The following PIK3R4 variants were observed in gnomAD, a reference collection of about 807,000 sequenced individuals.
The protein encoded by PIK3R4 is phosphoinositide 3-kinase regulatory subunit 4.
PIK3R4 carries 46 observed loss-of-function variants against 136.5 expected under a neutral mutation model. The observed-to-expected ratio is 0.34, with a 90% CI of 0.27 to 0.43. PIK3R4 has a LOEUF of 0.43. Among genes scored for constraint, PIK3R4 ranks in the 20% least tolerant of loss-of-function variants. PIK3R4 has a pLI of 1.00. For missense variants in PIK3R4, 1,331 were observed against 1,649.5 expected, an observed-to-expected ratio of 0.81 and a Z score of 3.35; for synonymous variants, 557 against 566.7, an observed-to-expected ratio of 0.98 and a Z score of 0.24.
chr3:130,709,628 G>T (rs918336548), intron 9 of PIK3R4, among the ~76,000 whole-genome samples: 1 of 152,096 alleles, frequency 6.6e-6, no homozygotes, highest in Non-Finnish European at 1.5e-5. Context: ...TATAGCTAAA[G>T]TAAGAGCTCT....
In PIK3R4 at chr3:130,708,512, T is replaced by C. The variant is rs778388968; in HGVS notation, c.2332-20A>G. 3.8e-6 allele frequency: 6 copies of C among 1,588,958 alleles called. No individual in the cohort carries two copies. The highest frequency in any genetic ancestry group is 5.2e-6 in the Non-Finnish European group (6 of 1,159,730). On this transcript the variant is annotated intron_variant, in intron 9 of 19. Coordinates refer to ENST00000356763, the MANE Select transcript of PIK3R4 (RefSeq NM_014602.3). ...CATTCCCTAAAACCAAATAAAACCA[T>C]ATGTTCTAGTTTATTTTCACAAATA... is the stretch of plus-strand genomic sequence containing the variant.
chr3:130,681,988 C>G (rs1023673495), intron 16 of PIK3R4, among the ~76,000 whole-genome samples: 10 of 152,136 alleles, frequency 6.6e-5, no homozygotes, highest in African/African-American at 2.2e-4. Context: ...TAATGCTGGT[C>G]ATTTTCCATT....
chr3:130,705,744 T>C lies in PIK3R4; in HGVS notation c.2749A>G (p.Lys917Glu). Residue 917 changes from lysine to glutamate, a missense_variant, in exon 12 of 20, where the codon AAA becomes GAA. By Grantham distance (56) the Lys-to-Glu change is moderately conservative. This residue lies in a region of PIK3R4 where 1,180 missense variants were observed against 1,407.0 expected (regional missense o/e 0.84). Coordinates refer to ENST00000356763, the MANE Select transcript of PIK3R4 (RefSeq NM_014602.3). ...QVPEVTTVQNKKPVIPVLSST... is the reference protein window; with the variant it reads ...QVPEVTTVQNEKPVIPVLSST... ...CTTAAAACCGGTATTACTGGTTTTT[T>C]ATTTTGGACAGTTGTCACTTCTGGA... 1 of 1,608,438 alleles carries C rather than the reference T, an allele frequency of 6.2e-7. No individual in the cohort carries two copies. Among genetic ancestry groups the C allele is most frequent in the Non-Finnish European group, 8.5e-7 (1 of 1,174,866 alleles).
intron 9 of PIK3R4, among the ~76,000 whole-genome samples, chr3:130,714,940 T>C (rs2066654053): frequency 6.6e-6 from 1 of 152,148 alleles, no homozygotes; most frequent in African/African-American, 2.4e-5. Context: ...TAGAATGATT[T>C]ATATTCCTTT....
intron 3 of PIK3R4, among the ~76,000 whole-genome samples, chr3:130,734,859 T>A (rs2066777613): frequency 6.6e-6 from 1 of 152,166 alleles, no homozygotes; most frequent in Non-Finnish European, 1.5e-5. Flanking sequence ...ATGTATTGAG[T>A]TATCTGAACT....
chr3:130,730,157 G>A, intron 5 of PIK3R4, 151 bp downstream of exon 5: 1 of 585,168 alleles, frequency 1.7e-6, no homozygotes, highest in Non-Finnish European at 2.9e-6. Context: ...TGAGGATAGA[G>A]AGAATAATTA....
chr3:130,707,213 G>A (rs1177684915), intron 10 of PIK3R4, 78 bp from the exon 11 acceptor site: 6 of 903,968 alleles, frequency 6.6e-6, no homozygotes, highest in Admixed American at 2.8e-5. Context: ...CTTTGGAGGG[G>A]ACAGTAGAGG....
At chr3:130,735,842 T>C (rs752634930) in intron 3 of PIK3R4, 27 bp downstream of exon 3, 6 of 1,589,370 alleles carry the variant, frequency 3.8e-6, no homozygotes, top group South Asian at 2.3e-5. Context: ...TTAAAAACTT[T>C]ATGGCGAATA....
At chr3:130,687,565 T>C (rs1248762647) in intron 14 of PIK3R4, among the ~76,000 whole-genome samples, 1 of 152,198 alleles carries the variant, frequency 6.6e-6, no homozygotes, top group East Asian at 1.9e-4. Context: ...TGGTGACTTT[T>C]TGTTTCCCTC....
chr3:130,702,119 G>A (rs991025555), intron 13 of PIK3R4, among the ~76,000 whole-genome samples: 15 of 151,838 alleles, frequency 9.9e-5, no homozygotes, highest in Admixed American at 2.6e-4. Context: ...TCCAGCCTGG[G>A]CAAAAAGAGA....
chr3:130,705,851 CTATAAAT>C, intron 11 of PIK3R4, 80 bp from the exon 12 acceptor site: 5 of 740,154 alleles, frequency 6.8e-6, no homozygotes, highest in Admixed American at 2.8e-5. Flanking sequence ...ATGTTTTTAT[CTATAAAT>C]TATAACAGCT....
chr3:130,736,567 G>C (rs2066786939), intron 2 of PIK3R4, among the ~76,000 whole-genome samples: 1 of 152,082 alleles, frequency 6.6e-6, no homozygotes, highest in East Asian at 1.9e-4. Flanking sequence ...CTGGATGACA[G>C]AGTGAGACTC....
chr3:130,726,040 T>G (rs1295220571), intron 6 of PIK3R4: 4 of 152,098 alleles, frequency 2.6e-5, no homozygotes, highest in African/African-American at 9.7e-5. Context: ...AAATTCACAT[T>G]CTTTAACACA....
chr3:130,712,360 G>A (rs761548999), intron 9 of PIK3R4, among the ~76,000 whole-genome samples: 2 of 151,978 alleles, frequency 1.3e-5, no homozygotes, highest in Non-Finnish European at 2.9e-5. Context: ...CCTTCGCTCT[G>A]TAGCCCTGAC....
rs1380099380 is a variant in PIK3R4 at position 130,723,323 on chromosome 3, C to T, written c.1981+91G>A. 3.7e-6 allele frequency: 4 copies of T among 1,079,064 alleles called. No homozygotes were observed. In the African/African-American group the frequency reaches 6.4e-5, roughly 17 times the overall value. 66.8% of individuals were successfully genotyped at this position (1,079,064 alleles called of 1,614,324 possible). The stretch of plus-strand genomic sequence containing the variant: ...AGTAGGAACCCCACACAATCAATAG[C>T]AGGAACAATAAAGTTGCAATTCTTT... On this transcript the variant is annotated intron_variant, in intron 7 of 19. Coordinates refer to ENST00000356763, the MANE Select transcript of PIK3R4 (RefSeq NM_014602.3).
In PIK3R4 at chr3:130,718,338, A is replaced by T. The variant is rs750579025; in HGVS notation, c.2127+51T>A. The T allele has an allele frequency of 7.3e-6, 11 of 1,508,506 alleles. No individual in the cohort carries two copies. The Middle Eastern group carries it at 5.3e-4, about 73-fold the overall frequency. The allele number at this position is 1,508,506 out of a possible 1,614,324, so 93.4% of individuals were successfully genotyped here. ...ATAGGACTCTCTAAACATTTTTTTT[A>T]AAGAGGCACAGTTTGGAGGAAAGAC... On this transcript the variant is annotated intron_variant, in intron 8 of 19. Transcript: ENST00000356763.
At chr3:130,684,750 A>G (rs2066480054) in intron 15 of PIK3R4, among the ~76,000 whole-genome samples, 1 of 152,234 alleles carries the variant, frequency 6.6e-6, no homozygotes, top group Non-Finnish European at 1.5e-5. Context: ...TAAATACCCA[A>G]AGATGTTTTA....
intron 7 of PIK3R4, among the ~76,000 whole-genome samples, chr3:130,722,897 A>G (rs1267305101): frequency 6.7e-6 from 1 of 149,196 alleles, no homozygotes; most frequent in Non-Finnish European, 1.5e-5. Flanking sequence ...TCTACTAAAA[A>G]TACAAAAAAA....
intron 7 of PIK3R4, among the ~76,000 whole-genome samples, chr3:130,721,058 G>A (rs908337800): frequency 9.9e-5 from 15 of 151,660 alleles, no homozygotes; most frequent in East Asian, 1.9e-4. Context: ...AAATTAGGCC[G>A]GGCGCGGTGG....
Sources: allele counts gnomAD v4.1 joint callset (sites outside exome capture counted in the v4.1 genomes callset), GRCh38; gene constraint gnomAD v4.1.1; regional missense constraint gnomAD v4.1.1; transcripts MANE v1.5; gene names NCBI Gene and HGNC (gene_info 2026-07-23, HGNC 2026-07-21).